TRABD2B: variants seen among roughly 807,000 people sequenced by gnomAD.
The protein encoded by TRABD2B is metalloprotease TIKI2.
In TRABD2B, 14 loss-of-function variants were observed where a neutral mutation model predicts 40.1. The observed-to-expected ratio is 0.35, with a 90% CI of 0.23 to 0.55. TRABD2B has a LOEUF of 0.55. TRABD2B is among the 20% of genes least tolerant of loss of function. TRABD2B has a pLI of 0.90. For synonymous variants in TRABD2B, 263 were observed against 277.0 expected (o/e 0.95, Z 0.50); for missense variants, 541 against 648.6 (o/e 0.83, Z 1.80).
At chr1:47,856,844 C>G (rs926283400) in intron 2 of TRABD2B, among the ~76,000 whole-genome samples, 1 of 152,178 alleles carries the variant, frequency 6.6e-6, no homozygotes, top group Non-Finnish European at 1.5e-5. Context: ...GCCTGGGCCC[C>G]GCAGGCAGAG....
chr1:47,986,342 T>G (rs895437118), intron 2 of TRABD2B, among the ~76,000 whole-genome samples: 1 of 152,166 alleles, frequency 6.6e-6, no homozygotes, highest in Non-Finnish European at 1.5e-5. Flanking sequence ...AGTCCCTTTT[T>G]AGCATCCAGA....
intron 2 of TRABD2B, among the ~76,000 whole-genome samples, chr1:47,925,122 T>A (rs568491073): frequency 9.2e-5 from 14 of 152,318 alleles, no homozygotes; most frequent in Admixed American, 2.0e-4. Flanking sequence ...CCTCCTAAGG[T>A]AGGATAGAAA....
At chr1:47,770,948 C>T (rs1029069821) in intron 6 of TRABD2B, among the ~76,000 whole-genome samples, 2 of 152,214 alleles carry the variant, frequency 1.3e-5, no homozygotes, top group African/African-American at 4.8e-5. Context: ...CATCATCTCA[C>T]ATAATCTCTA....
At chr1:47,833,372 G>C (rs574018210) in intron 2 of TRABD2B, among the ~76,000 whole-genome samples, 1 of 152,354 alleles carries the variant, frequency 6.6e-6, no homozygotes, top group Middle Eastern at 3.4e-3. Context: ...AAAAGGTGCA[G>C]CCTTGAAAAG....
chr1:47,915,413 G>A (rs931733845), intron 2 of TRABD2B, among the ~76,000 whole-genome samples: 2 of 152,224 alleles, frequency 1.3e-5, no homozygotes, highest in African/African-American at 4.8e-5. Context: ...CTTAACAAGT[G>A]TATTACACCC....
At chr1:47,938,342 C>A (rs1183216602) in intron 2 of TRABD2B, among the ~76,000 whole-genome samples, 1 of 152,190 alleles carries the variant, frequency 6.6e-6, no homozygotes, top group African/African-American at 2.4e-5. Flanking sequence ...TTATTTTAGT[C>A]CCAGCTCTAT....
At chr1:47,927,356 C>T (rs996655483) in intron 2 of TRABD2B, among the ~76,000 whole-genome samples, 3 of 152,238 alleles carry the variant, frequency 2.0e-5, no homozygotes, top group Non-Finnish European at 4.4e-5. Context: ...TCCACTCTTC[C>T]GGTGCCTTCT....
chr1:47,823,275 C>T (rs1464353376), intron 2 of TRABD2B, among the ~76,000 whole-genome samples: 2 of 152,270 alleles, frequency 1.3e-5, no homozygotes, highest in Non-Finnish European at 2.9e-5. Context: ...GGAACAAATG[C>T]ACTGAAAGGC....
intron 2 of TRABD2B, among the ~76,000 whole-genome samples, chr1:47,939,060 G>A (rs1448132930): frequency 6.6e-6 from 1 of 152,100 alleles, no homozygotes; most frequent in African/African-American, 2.4e-5. Context: ...AGGGTGCCTG[G>A]GATAACGGTG....
intron 2 of TRABD2B, among the ~76,000 whole-genome samples, chr1:47,927,228 T>G (rs1262596936): frequency 6.6e-6 from 1 of 152,178 alleles, no homozygotes; most frequent in Non-Finnish European, 1.5e-5. Flanking sequence ...CAGGGCTGGG[T>G]GTGCTGAGAC....
chr1:47,915,845 C>A (rs1376267173), intron 2 of TRABD2B, among the ~76,000 whole-genome samples: 2 of 152,172 alleles, frequency 1.3e-5, no homozygotes, highest in Admixed American at 1.3e-4. Context: ...TAAGCCCTGT[C>A]GTGCCCCCAC....
intron 2 of TRABD2B, among the ~76,000 whole-genome samples, chr1:47,838,005 A>C (rs538201574): frequency 6.6e-6 from 1 of 152,310 alleles, no homozygotes; most frequent in African/African-American, 2.4e-5. Flanking sequence ...CCTTAACCAG[A>C]ATCCCATGTA....
chr1:47,941,573 G>A (rs1645189372), intron 2 of TRABD2B, among the ~76,000 whole-genome samples: 2 of 152,224 alleles, frequency 1.3e-5, no homozygotes, highest in South Asian at 2.1e-4. Flanking sequence ...TGTGAACCTG[G>A]CTAAGTCATT....
chr1:47,948,868 C>T (rs72898184), intron 2 of TRABD2B, among the ~76,000 whole-genome samples: 1 of 152,130 alleles, frequency 6.6e-6, no homozygotes, highest in Non-Finnish European at 1.5e-5. Flanking sequence ...TCCTCATCAC[C>T]CCTCTCTCAC....
chr1:47,898,094 G>A (rs1355177914), intron 2 of TRABD2B, among the ~76,000 whole-genome samples: 1 of 152,182 alleles, frequency 6.6e-6, no homozygotes, highest in Non-Finnish European at 1.5e-5. Flanking sequence ...TTAGATGAAT[G>A]AATGAGCAGA....
intron 6 of TRABD2B, among the ~76,000 whole-genome samples, chr1:47,771,887 T>C (rs1644381890): frequency 6.6e-6 from 1 of 152,140 alleles, no homozygotes; most frequent in African/African-American, 2.4e-5. Context: ...CTGTTCCAGG[T>C]GGCATCCGGG....
chr1:47,773,170 T>C (rs1283554092), intron 6 of TRABD2B, among the ~76,000 whole-genome samples: 3 of 152,244 alleles, frequency 2.0e-5, no homozygotes, highest in Non-Finnish European at 2.9e-5. Flanking sequence ...AGTGTGTTGA[T>C]CAGGGCTCTG....
chr1:47,900,992 C>A (rs1644593147), intron 2 of TRABD2B, among the ~76,000 whole-genome samples: 1 of 152,164 alleles, frequency 6.6e-6, no homozygotes, highest in Admixed American at 6.5e-5. Flanking sequence ...TCAAAACCCT[C>A]CATCATTAGG....
intron 2 of TRABD2B, among the ~76,000 whole-genome samples, chr1:47,870,554 A>G (rs1206684098): frequency 6.6e-6 from 1 of 152,178 alleles, no homozygotes; most frequent in East Asian, 1.9e-4. Context: ...AGGATTACTC[A>G]TGCGCACGTC....
Sources: gnomAD v4.1 joint callset for allele counts (sites outside exome capture counted in the v4.1 genomes callset) on GRCh38, gnomAD v4.1.1 for gene constraint, MANE v1.5 for transcripts, NCBI Gene and HGNC (gene_info 2026-07-23, HGNC 2026-07-21) for gene names.